Variants in RABGEF1 observed in about 807,000 individuals in gnomAD.
RABGEF1 encodes the protein RAB guanine nucleotide exchange factor 1.
In RABGEF1, 26 loss-of-function variants were observed where a neutral mutation model predicts 57.3. That is an observed-to-expected ratio of 0.45 (90% CI 0.33 to 0.63). The LOEUF (loss-of-function observed/expected upper bound fraction) is 0.63, where lower values mean the gene tolerates loss of function less well. Ranked by LOEUF, RABGEF1 falls within the 20% of genes least tolerant of loss-of-function variation. RABGEF1 has a pLI of 0.02. For synonymous variants in RABGEF1, 185 were observed against 210.7 expected (o/e 0.88, Z 1.06); for missense variants, 464 against 607.6 (o/e 0.76, Z 2.48).
intron 2 of RABGEF1, 152 bp from the exon 3 acceptor site, chr7:66,775,075 C>T (rs1182968404): frequency 1.3e-6 from 1 of 791,748 alleles, no homozygotes; most frequent in Non-Finnish European, 2.0e-6. Context: ...GCCGTCCATC[C>T]TGTAGCAATG....
chr7:66,752,514 G>A (rs1585155429), intron 1 of RABGEF1, among the ~76,000 whole-genome samples: 1 of 151,378 alleles, frequency 6.6e-6, no homozygotes, highest in African/African-American at 2.4e-5. Flanking sequence ...AAAAAGTCTT[G>A]ATTTTTGTCT....
chr7:66,711,845 C>T (rs1794823609), intron 1 of RABGEF1, among the ~76,000 whole-genome samples: 1 of 152,156 alleles, frequency 6.6e-6, no homozygotes, highest in Non-Finnish European at 1.5e-5. Flanking sequence ...CTCGGCCTCC[C>T]AGAGTGCTGG....
chr7:66,752,472 G>A lies in RABGEF1; in HGVS notation c.-18+11680G>A, dbSNP rs1001357329. Reference sequence around the variant, plus strand: ...TCATGCCACTGCACTCCAGCCTGGGGAACAAGAGTGAAACTCCGTCTAAAA... The same window carrying A: ...TCATGCCACTGCACTCCAGCCTGGGAAACAAGAGTGAAACTCCGTCTAAAA... On this transcript the variant is annotated intron_variant, in intron 1 of 8. Coordinates refer to ENST00000284957, the MANE Select transcript of RABGEF1 (RefSeq NM_014504.3). Among the ~76,000 whole-genome samples, 6 of 151,148 alleles carry A rather than the reference G, an allele frequency of 4.0e-5. No individual in the cohort carries two copies. The East Asian group carries it at 9.7e-4, about 24-fold the overall frequency.
At chr7:66,704,683 C>T (rs1023802787) in intron 1 of RABGEF1, among the ~76,000 whole-genome samples, 32 of 151,892 alleles carry the variant, frequency 2.1e-4, no homozygotes, top group African/African-American at 7.2e-4. Flanking sequence ...TGGTGGTGGG[C>T]GCCTGTAGTC....
intron 3 of RABGEF1, among the ~76,000 whole-genome samples, chr7:66,780,412 C>T (rs1467230877): frequency 2.0e-5 from 3 of 152,160 alleles, no homozygotes; most frequent in African/African-American, 7.2e-5. Flanking sequence ...ACCTGATAGA[C>T]TTGTGAGGAT....
the RABGEF1 span, chr7:66,669,014 A>G: frequency 6.6e-6 from 1 of 152,212 alleles, no homozygotes; most frequent in Admixed American, 6.6e-5. Context: ...TGCTGCCTAG[A>G]AGACCCTCTT....
In RABGEF1 at chr7:66,713,555, C is replaced by G. The variant is rs192503989; in HGVS notation, c.-815+1331C>G. Among the ~76,000 whole-genome samples, 352 of 152,314 alleles carry G rather than the reference C, an allele frequency of 2.3e-3. 2 individuals carry two copies. Among genetic ancestry groups the G allele is most frequent in the African/African-American group, 8.3e-3 (343 of 41,568 alleles). ...ATTGCCCTACTTTGGTCTTCCAGTA[C>G]AATGTTGAACAGGAGCGATGAGAAT... On this transcript the variant is annotated intron_variant and NMD_transcript_variant, in intron 2 of 9. Coordinates refer to the RABGEF1 transcript ENST00000607882.
At chr7:66,658,022 G>T in the RABGEF1 span, among the ~76,000 whole-genome samples, 13 of 152,026 alleles carry the variant, frequency 8.6e-5, no homozygotes, top group Non-Finnish European at 1.5e-4. Flanking sequence ...CAGCAAAATT[G>T]ACAAATTTTT....
intron 1 of RABGEF1, among the ~76,000 whole-genome samples, chr7:66,704,909 T>A (rs1403139399): frequency 6.6e-6 from 1 of 152,124 alleles, no homozygotes; most frequent in Admixed American, 6.5e-5. Context: ...GCAGCTGGCC[T>A]ATATTTAGTT....
At chr7:66,759,621 C>T (rs1803727611) in intron 1 of RABGEF1, among the ~76,000 whole-genome samples, 1 of 152,272 alleles carries the variant, frequency 6.6e-6, no homozygotes, top group East Asian at 1.9e-4. Context: ...AGGGTGGCCT[C>T]AGGAAGCTTC....
intron 1 of RABGEF1, among the ~76,000 whole-genome samples, chr7:66,692,980 T>C (rs182566115): frequency 5.9e-5 from 9 of 152,206 alleles, no homozygotes; most frequent in African/African-American, 1.9e-4. Flanking sequence ...CGGAAGGGGC[T>C]GGCACCTCCC....
At chr7:66,683,701 G>A (rs117870539) in intron 1 of RABGEF1, among the ~76,000 whole-genome samples, 15,761 of 151,632 alleles carry the variant, frequency 0.1, 898 homozygotes, top group Non-Finnish European at 0.11. Flanking sequence ...ACCAAAGGAG[G>A]GGAGGCCAGT....
intron 1 of RABGEF1, among the ~76,000 whole-genome samples, chr7:66,752,314 G>C (rs185956305): frequency 1.3e-5 from 2 of 152,192 alleles, no homozygotes; most frequent in East Asian, 3.9e-4. Context: ...GGCCAACATG[G>C]TGAAACCCTG....
chr7:66,714,921 C>T (rs964472303), intron 2 of RABGEF1, among the ~76,000 whole-genome samples: 3 of 152,094 alleles, frequency 2.0e-5, no homozygotes, highest in Non-Finnish European at 4.4e-5. Context: ...GGCGACAGAG[C>T]GAGACTCCGT....
chr7:66,807,923 A>C (rs2129197057), intron 8 of RABGEF1: 1 of 152,172 alleles, frequency 6.6e-6, no homozygotes, highest in Middle Eastern at 3.4e-3. Flanking sequence ...CCAAAGTGCT[A>C]GGATTACAAG....
rs527748271 is a variant in RABGEF1 at position 66,751,966 on chromosome 7, G to T, written c.-18+11174G>T. Among the ~76,000 whole-genome samples the T allele has an allele frequency of 3.0e-3, 458 of 151,870 alleles. 3 individuals are homozygous for T. The highest frequency in any genetic ancestry group is 5.3e-3 in the Non-Finnish European group (359 of 67,780). ...AATCCCAGCACTTTGGGAAGCCAAGGTGGGAGGCTCACTTGAGCCCAGGAC... is the reference window on the plus strand; with the variant it reads ...AATCCCAGCACTTTGGGAAGCCAAGTTGGGAGGCTCACTTGAGCCCAGGAC... On this transcript the variant is annotated intron_variant, in intron 1 of 8. Transcript: ENST00000284957.
At chr7:66,656,557 C>T in the RABGEF1 span, among the ~76,000 whole-genome samples, 10 of 152,088 alleles carry the variant, frequency 6.6e-5, no homozygotes, top group African/African-American at 2.2e-4. Context: ...CGTGGTGGCT[C>T]ATGCCTGTAA....
chr7:66,728,524 A>G (rs965679750), intron 2 of RABGEF1, among the ~76,000 whole-genome samples: 2 of 135,744 alleles, frequency 1.5e-5, no homozygotes, highest in African/African-American at 2.8e-5. Context: ...CCATTTCACC[A>G]TTGCCATCAC....
intron 2 of RABGEF1, among the ~76,000 whole-genome samples, chr7:66,774,794 T>C (rs1364142426): frequency 6.6e-6 from 1 of 152,158 alleles, no homozygotes; most frequent in Non-Finnish European, 1.5e-5. Flanking sequence ...ATTTATCCTT[T>C]AAGACCTCAC....
Sources: gnomAD v4.1 joint callset for allele counts (sites outside exome capture counted in the v4.1 genomes callset) on GRCh38, gnomAD v4.1.1 for gene constraint, MANE v1.5 for transcripts, NCBI Gene and HGNC (gene_info 2026-07-23, HGNC 2026-07-21) for gene names.